The following GRM8 variants were observed in gnomAD, a reference collection of about 807,000 sequenced individuals.
GRM8 encodes metabotropic glutamate receptor 8.
A neutral mutation model predicts 87.2 loss-of-function variants in GRM8; 47 were observed. That is an observed-to-expected ratio of 0.54 (90% confidence interval 0.43 to 0.69). The LOEUF (loss-of-function observed/expected upper bound fraction) is 0.69, where lower values mean the gene tolerates loss of function less well. Among genes scored for constraint, GRM8 ranks in the 30% least tolerant of loss-of-function variants. GRM8 has a pLI of 0.00. For synonymous variants in GRM8, 396 were observed against 404.5 expected (o/e 0.98, Z 0.25); for missense variants, 1,019 against 1,139.2 (o/e 0.89, Z 1.52).
chr7:126,790,003 TTCTC>T (rs1271694123), intron 6 of GRM8, among the ~76,000 whole-genome samples: 19 of 149,924 alleles, frequency 1.3e-4, no homozygotes, highest in South Asian at 6.2e-4. Context: ...TGAGAACACA[TTCTC>T]TCTCTCTTTT....
chr7:126,645,001 A>G (rs933113791), intron 7 of GRM8, among the ~76,000 whole-genome samples: 1 of 152,240 alleles, frequency 6.6e-6, no homozygotes, highest in African/African-American at 2.4e-5. Flanking sequence ...CTGACCTCTG[A>G]GGTGTCCTTG....
chr7:127,178,722 T>C (rs1794259121), intron 2 of GRM8, among the ~76,000 whole-genome samples: 3 of 152,190 alleles, frequency 2.0e-5, no homozygotes, highest in African/African-American at 7.2e-5. Flanking sequence ...GCCAAGAATT[T>C]TGTATCCAGC....
intron 3 of GRM8, among the ~76,000 whole-genome samples, chr7:127,036,225 G>A (rs904124660): frequency 1.1e-4 from 16 of 152,060 alleles, no homozygotes; most frequent in Non-Finnish European, 2.1e-4. Flanking sequence ...AAAAACTGAG[G>A]TATAGAGGAG....
intron 3 of GRM8, among the ~76,000 whole-genome samples, chr7:127,011,801 C>T (rs1814925703): frequency 6.6e-6 from 1 of 152,062 alleles, no homozygotes; most frequent in African/African-American, 2.4e-5. Flanking sequence ...ACTTTCTTAC[C>T]TTCTCAGCCT....
intron 7 of GRM8, among the ~76,000 whole-genome samples, chr7:126,738,550 C>T (rs1006746705): frequency 6.6e-6 from 1 of 150,966 alleles, no homozygotes; most frequent in Non-Finnish European, 1.5e-5. Context: ...AGTTAATACA[C>T]CTAATTTTGA....
At chr7:127,038,902 C>T (rs1314151259) in intron 3 of GRM8, among the ~76,000 whole-genome samples, 1 of 152,090 alleles carries the variant, frequency 6.6e-6, no homozygotes, top group Non-Finnish European at 1.5e-5. Context: ...CTTATTATAA[C>T]ATATAAAGTG....
At chr7:126,849,875 G>A (rs1265396386) in intron 6 of GRM8, among the ~76,000 whole-genome samples, 2 of 151,980 alleles carry the variant, frequency 1.3e-5, no homozygotes, top group Non-Finnish European at 2.9e-5. Context: ...AAAAGAACAC[G>A]GCCCCAACAG....
intron 8 of GRM8, among the ~76,000 whole-genome samples, chr7:126,535,378 T>G (rs901697255): frequency 3.3e-5 from 5 of 152,042 alleles, no homozygotes; most frequent in African/African-American, 9.7e-5. Context: ...AGCCCCAAAG[T>G]GGGACCAAGC....
At chr7:126,904,177 A>G (rs1436267525) in intron 4 of GRM8, 51 bp from the exon 5 acceptor site, 1 of 1,434,644 alleles carries the variant, frequency 7.0e-7, no homozygotes, top group South Asian at 1.2e-5. Context: ...AAAATACCAC[A>G]ATTATGAATA....
intron 3 of GRM8, among the ~76,000 whole-genome samples, chr7:127,043,142 T>C (rs1818592282): frequency 6.6e-6 from 1 of 152,136 alleles, no homozygotes; most frequent in African/African-American, 2.4e-5. Context: ...TGTGGAGAAA[T>C]AGGAACACTT....
intron 7 of GRM8, among the ~76,000 whole-genome samples, chr7:126,637,718 GT>G (rs1315001796): frequency 6.6e-6 from 1 of 152,124 alleles, no homozygotes; most frequent in Non-Finnish European, 1.5e-5. Context: ...CTACCTCGAA[GT>G]CCCTTGAAGT....
intron 1 of GRM8, among the ~76,000 whole-genome samples, chr7:127,245,522 T>C (rs13231840): frequency 0.26 from 38,939 of 152,158 alleles, 5,483 homozygotes; most frequent in Middle Eastern, 0.4. Context: ...TACCTATCCA[T>C]GTGGCATTAA....
intron 2 of GRM8, among the ~76,000 whole-genome samples, chr7:127,119,363 G>C (rs1248127590): frequency 6.6e-6 from 1 of 152,114 alleles, no homozygotes; most frequent in Admixed American, 6.6e-5. Context: ...GTGTGTGACT[G>C]TAGTCCTAGC....
intron 2 of GRM8, among the ~76,000 whole-genome samples, chr7:127,117,284 T>TG: frequency 6.6e-6 from 1 of 152,156 alleles, no homozygotes. Context: ...TGCTTTGCTT[T>TG]GGTTTGTTTC....
intron 2 of GRM8, among the ~76,000 whole-genome samples, chr7:127,199,139 CT>C (rs59579346): frequency 0.2 from 29,275 of 148,730 alleles, 3,172 homozygotes; most frequent in Non-Finnish European, 0.25. Context: ...CCGCACCCGG[CT>C]TTTTTTTTTC....
intron 9 of GRM8, among the ~76,000 whole-genome samples, chr7:126,450,973 C>A (rs1397847613): frequency 6.6e-6 from 1 of 151,818 alleles, no homozygotes; most frequent in Non-Finnish European, 1.5e-5. Flanking sequence ...GTACACAAGA[C>A]CCTGTAATAG....
chr7:126,691,793 C>T lies in GRM8; in HGVS notation c.1357+78072G>A, dbSNP rs139757078. Among the ~76,000 whole-genome samples the T allele has an allele frequency of 2.8e-3, 433 of 152,234 alleles. 1 individual carries two copies. The highest frequency in any genetic ancestry group is 3.9e-3 in the Non-Finnish European group (268 of 68,006). ...CTTCAGTGTTGCCCTTAATTACAAACGTAGCTGGCTGGGTGAAAGAGACAC... is the reference window on the plus strand; with the variant it reads ...CTTCAGTGTTGCCCTTAATTACAAATGTAGCTGGCTGGGTGAAAGAGACAC... On this transcript the variant is annotated intron_variant, in intron 7 of 10. Transcript: ENST00000339582.
At chr7:127,018,455 T>A in intron 3 of GRM8, among the ~76,000 whole-genome samples, 1 of 144,322 alleles carries the variant, frequency 6.9e-6, no homozygotes, top group African/African-American at 2.5e-5. Flanking sequence ...CCATTTACCA[T>A]CCTAGTCCAA....
chr7:127,128,790 G>A (rs189169024), intron 2 of GRM8, among the ~76,000 whole-genome samples: 3 of 152,148 alleles, frequency 2.0e-5, no homozygotes, highest in Admixed American at 6.6e-5. Context: ...CTAGGAATAA[G>A]CAGGGAAAAA....
Sources: allele counts gnomAD v4.1 joint callset (sites outside exome capture counted in the v4.1 genomes callset), GRCh38; gene constraint gnomAD v4.1.1; transcripts MANE v1.5; gene names NCBI Gene and HGNC (gene_info 2026-07-23, HGNC 2026-07-21).